UBE4B: variants seen among roughly 807,000 people sequenced by gnomAD.
UBE4B encodes ubiquitination factor E4B.
UBE4B carries 27 observed loss-of-function variants against 148.1 expected under a neutral mutation model. That is an observed-to-expected ratio of 0.18 (90% confidence interval 0.13 to 0.25). The LOEUF (loss-of-function observed/expected upper bound fraction) is 0.25, where lower values mean the gene tolerates loss of function less well. Among genes scored for constraint, UBE4B ranks in the 10% least tolerant of loss-of-function variants. The pLI is 1.00. For synonymous variants in UBE4B, 596 were observed against 619.3 expected, an observed-to-expected ratio of 0.96 and a Z score of 0.56; for missense variants, 1,170 against 1,662.4, an observed-to-expected ratio of 0.70 and a Z score of 5.15.
At chr1:10,035,389 GTTTTTTTTT>G (rs533941719) in intron 1 of UBE4B, among the ~76,000 whole-genome samples, 1 of 65,822 alleles carries the variant, frequency 1.5e-5, no homozygotes, top group African/African-American at 6.9e-5. Flanking sequence ...CAGAGATACT[GTTTTTTTTT>G]TTTTTTTTTT....
intron 1 of UBE4B, among the ~76,000 whole-genome samples, chr1:10,037,550 T>C (rs1643587056): frequency 6.6e-6 from 1 of 152,080 alleles, no homozygotes; most frequent in Admixed American, 6.6e-5. Flanking sequence ...AAGGTGGTGC[T>C]GTGAGTAGGT....
rs776916303 is a variant in UBE4B, at chr1:10,178,828, CTCG to C, written c.3700+15_3700+17del. On this transcript the variant is annotated intron_variant, in intron 26 of 27. Coordinates refer to ENST00000343090, the MANE Select transcript of UBE4B (RefSeq NM_001105562.3). ...CCTGATGAGTTCAGAGGCAAGTGGA[CTCG>C]TCGTTTTCATGCTGATTTCTTTTGA... is the stretch of plus-strand genomic sequence containing the variant. 6.4e-7 allele frequency: 1 copy of C among 1,573,382 alleles called. No individual in the cohort carries two copies. Among genetic ancestry groups the C allele is most frequent in the African/African-American group, 1.4e-5 (1 of 72,502 alleles).
intron 26 of UBE4B, 109 bp from the exon 27 acceptor site, chr1:10,179,307 T>G (rs1646472276): frequency 7.0e-7 from 1 of 1,429,332 alleles, no homozygotes; most frequent in Non-Finnish European, 9.5e-7. Context: ...CAGGGGCCCT[T>G]TGATTGCTGT....
chr1:10,134,946 T>C lies in UBE4B; in HGVS notation c.2026-42T>C, dbSNP rs1221760259. 7 of 1,589,390 alleles carry C rather than the reference T, an allele frequency of 4.4e-6. No homozygotes were observed. In the Admixed American group the frequency reaches 1.0e-4, roughly 23 times the overall value. ...TGAGACCCCATCTCAAAAAAAATTTTTTTTAATGTTTAAAAATACTTTTTC... is the reference window on the plus strand; with the variant it reads ...TGAGACCCCATCTCAAAAAAAATTTCTTTTAATGTTTAAAAATACTTTTTC... On this transcript the variant is annotated intron_variant, in intron 15 of 27. Transcript: ENST00000343090.
chr1:10,123,799 A>G (rs1645448455), intron 10 of UBE4B, among the ~76,000 whole-genome samples: 1 of 152,040 alleles, frequency 6.6e-6, no homozygotes, highest in Admixed American at 6.6e-5. Context: ...TTGAGATGGA[A>G]TTTTGCTCTT....
At chr1:10,044,306 C>T (rs985723303) in intron 1 of UBE4B, among the ~76,000 whole-genome samples, 1 of 152,046 alleles carries the variant, frequency 6.6e-6, no homozygotes, top group Admixed American at 6.6e-5. Context: ...CGGCTTGCCT[C>T]GGCCTCCCAA....
At chr1:10,041,118 A>G (rs1643745578) in intron 1 of UBE4B, among the ~76,000 whole-genome samples, 1 of 152,212 alleles carries the variant, frequency 6.6e-6, no homozygotes, top group African/African-American at 2.4e-5. Flanking sequence ...AGAGAATGAT[A>G]ATAAGGATAT....
intron 12 of UBE4B, 24 bp from the exon 13 acceptor site, chr1:10,130,476 C>T: frequency 1.2e-6 from 2 of 1,605,266 alleles, no homozygotes; most frequent in Non-Finnish European, 1.7e-6. Flanking sequence ...AGCGGCTTGA[C>T]TGGCTCTTCC....
At chr1:10,056,795 G>A (rs1191203379) in intron 1 of UBE4B, among the ~76,000 whole-genome samples, 1 of 152,108 alleles carries the variant, frequency 6.6e-6, no homozygotes, top group African/African-American at 2.4e-5. Context: ...ATTGCACATG[G>A]TCTGGTCTCT....
At chr1:10,076,268 A>G (rs1033054452) in intron 2 of UBE4B, among the ~76,000 whole-genome samples, 3 of 142,580 alleles carry the variant, frequency 2.1e-5, no homozygotes, top group African/African-American at 7.8e-5. Flanking sequence ...TTTTTTTGAG[A>G]CAGTCTCACT....
chr1:10,087,094 G>A (rs764202591), intron 2 of UBE4B, among the ~76,000 whole-genome samples: 4 of 152,258 alleles, frequency 2.6e-5, no homozygotes, highest in East Asian at 3.9e-4. Flanking sequence ...TTCTGTTCTC[G>A]TCTGACGCAT....
At position 10,151,408 on chromosome 1, in the gene UBE4B, A is replaced by G. The variant is rs1645973506; in HGVS notation, c.2773A>G (p.Ile925Val). Reference sequence around the variant, plus strand: ...TGTGATGTTGTGCAACCAGAACTACATCCGAAACCCATATTTGGTGGCCAA... The same window carrying G: ...TGTGATGTTGTGCAACCAGAACTACGTCCGAAACCCATATTTGGTGGCCAA... ...LVVMLCNQNYIRNPYLVAKLV... is the reference protein window; with the variant it reads ...LVVMLCNQNYVRNPYLVAKLV... The change falls in exon 21 of 28, where the codon ATC (isoleucine) becomes GTC (valine). Residue 925 changes from isoleucine to valine, a missense_variant. Physicochemically the swap from Ile to Val is conservative, Grantham distance 29. This residue lies in a region of UBE4B where 348 missense variants were observed against 627.2 expected (regional missense o/e 0.55). Transcript: ENST00000343090. The G allele has an allele frequency of 1.2e-6, 2 of 1,614,082 alleles. No homozygotes were observed. The highest frequency in any genetic ancestry group is 1.7e-5 in the Admixed American group (1 of 60,002).
chr1:10,127,160 C>A (rs544705874), intron 11 of UBE4B, among the ~76,000 whole-genome samples: 3 of 151,884 alleles, frequency 2.0e-5, no homozygotes, highest in African/African-American at 7.2e-5. Flanking sequence ...AACTTATCTC[C>A]TAGCAATGAG....
In UBE4B at chr1:10,134,979, C is replaced by T; in HGVS notation, c.2026-9C>T. ...GTTTAAAAATACTTTTTCTTTTCAA[C>T]TTTCACAGACAGATGATAGATTGGT... On this transcript the variant is annotated splice_polypyrimidine_tract_variant and intron_variant, in intron 15 of 27. Coordinates refer to ENST00000343090, the MANE Select transcript of UBE4B (RefSeq NM_001105562.3). The T allele has an allele frequency of 5.6e-6, 9 of 1,609,490 alleles. No individual in the cohort carries two copies. Among genetic ancestry groups the T allele is most frequent in the Non-Finnish European group, 7.6e-6 (9 of 1,177,968 alleles).
Position 10,035,401 on chromosome 1 carries a change from T to G in UBE4B, c.24+1707T>G, listed in dbSNP as rs540113679. ...AGGCAGAGATACTGTTTTTTTTTTT[T>G]TTTTTTTTTTTTTGAGGCGGAGTCT... On this transcript the variant is annotated intron_variant, in intron 1 of 27. Coordinates refer to ENST00000343090, the MANE Select transcript of UBE4B (RefSeq NM_001105562.3). Among the ~76,000 whole-genome samples the G allele has an allele frequency of 6.1e-4, 83 of 135,986 alleles. 1 individual carries two copies. The highest frequency in any genetic ancestry group is 5.3e-3 in the East Asian group (25 of 4,710). 89.2% of individuals were successfully genotyped at this position (135,986 alleles called of 152,430 possible).
chr1:10,129,296 C>T (rs1357903363), intron 11 of UBE4B, 96 bp from the exon 12 acceptor site: 7 of 1,188,730 alleles, frequency 5.9e-6, no homozygotes, highest in Admixed American at 5.5e-5. Flanking sequence ...TTAGAGGGAA[C>T]GAATTTATAG....
At chr1:10,146,147 G>A (rs1315474302) in intron 18 of UBE4B, among the ~76,000 whole-genome samples, 2 of 152,148 alleles carry the variant, frequency 1.3e-5, no homozygotes, top group African/African-American at 4.8e-5. Flanking sequence ...TGTGTTTCAA[G>A]GGGATCTATA....
At chr1:10,158,090 G>A (rs1415804571) in intron 21 of UBE4B, among the ~76,000 whole-genome samples, 2 of 152,138 alleles carry the variant, frequency 1.3e-5, no homozygotes, top group East Asian at 3.8e-4. Flanking sequence ...TTGGTCATTG[G>A]TAAGTTGATG....
At chr1:10,110,760 A>G (rs1645204187) in intron 7 of UBE4B, among the ~76,000 whole-genome samples, 1 of 152,150 alleles carries the variant, frequency 6.6e-6, no homozygotes, top group Admixed American at 6.6e-5. Flanking sequence ...ATTAGTGAAT[A>G]GTGAAAAACG....
Sources: allele counts gnomAD v4.1 joint callset (sites outside exome capture counted in the v4.1 genomes callset), GRCh38; gene constraint gnomAD v4.1.1; regional missense constraint gnomAD v4.1.1; transcripts MANE v1.5; gene names NCBI Gene and HGNC (gene_info 2026-07-23, HGNC 2026-07-21).